The following FER variants were observed in gnomAD, a reference collection of about 807,000 sequenced individuals.
FER encodes FER tyrosine kinase.
A neutral mutation model predicts 111.0 loss-of-function variants in FER; 63 were observed. That is an observed-to-expected ratio of 0.57 (90% confidence interval 0.46 to 0.70). The LOEUF is 0.70. FER is among the 30% of genes least tolerant of loss of function. The pLI, the probability that FER is intolerant of heterozygous loss-of-function variation, is 0.00. For missense variants in FER, 914 were observed against 954.0 expected (o/e 0.96, Z 0.55); for synonymous variants, 327 against 313.9 (o/e 1.04, Z -0.44).
chr5:109,038,636 A>G (rs1770732165), intron 14 of FER, among the ~76,000 whole-genome samples: 1 of 151,880 alleles, frequency 6.6e-6, no homozygotes, highest in Admixed American at 6.6e-5. Flanking sequence ...CTCATATGTT[A>G]TTTCCTCTGG....
chr5:108,755,611 G>A (rs555898562), intron 1 of FER, among the ~76,000 whole-genome samples: 89 of 151,838 alleles, frequency 5.9e-4, no homozygotes, highest in African/African-American at 1.9e-3. Context: ...TCAGCCTCCC[G>A]AGTAGCTGGG....
At chr5:109,126,364 C>G (rs1486282622) in intron 17 of FER, among the ~76,000 whole-genome samples, 2 of 152,170 alleles carry the variant, frequency 1.3e-5, no homozygotes, top group African/African-American at 2.4e-5. Flanking sequence ...GAGCAATACT[C>G]TTTTGCTTTT....
chr5:109,041,941 A>G (rs142664750), intron 14 of FER, among the ~76,000 whole-genome samples: 89 of 152,348 alleles, frequency 5.8e-4, no homozygotes, highest in African/African-American at 2.0e-3. Context: ...ACTTAAGTTT[A>G]GATGGCAAAA....
rs932705657 is a variant in FER, at chr5:108,954,982, G to A, written c.1533+50G>A. 10 of 1,423,678 alleles carry A rather than the reference G, an allele frequency of 7.0e-6. 1 individual carries two copies. In the African/African-American group the frequency reaches 1.1e-4, roughly 16 times the overall value. 88.2% of individuals were successfully genotyped at this position (1,423,678 alleles called of 1,614,324 possible). On this transcript the variant is annotated intron_variant, in intron 12 of 19. Coordinates refer to ENST00000281092, the MANE Select transcript of FER (RefSeq NM_005246.4). ...GTATATTTTGATGTAGTTCATTGCGGTACAATTATATTAAAATAACGAATG... is the reference window on the plus strand; with the variant it reads ...GTATATTTTGATGTAGTTCATTGCGATACAATTATATTAAAATAACGAATG...
At chr5:108,785,076 C>T in intron 2 of FER, 1 of 410,914 alleles carries the variant, frequency 2.4e-6, no homozygotes. Context: ...CGCTTCTTGC[C>T]TAACAGCAGC....
At position 109,191,013 on chromosome 5, in the gene FER, C is replaced by T. The variant is rs1392141555; in HGVS notation, c.*3438C>T. 1 of 152,002 alleles carries T rather than the reference C, an allele frequency of 6.6e-6. No individual in the cohort carries two copies. Among genetic ancestry groups the T allele is most frequent in the Non-Finnish European group, 1.5e-5 (1 of 67,968 alleles). The allele number at this position is 152,002 out of a possible 1,614,324, so 9.4% of individuals were successfully genotyped here. On this transcript the variant is annotated 3_prime_UTR_variant, in exon 20 of 20. Transcript: ENST00000281092. Reference sequence around the variant, plus strand: ...TATATTATATTCAGTTCAGTTTTCCCATATAACTTTTGTGAAGATTGGCTA... The same window carrying T: ...TATATTATATTCAGTTCAGTTTTCCTATATAACTTTTGTGAAGATTGGCTA...
intron 1 of FER, among the ~76,000 whole-genome samples, chr5:108,762,266 A>G (rs996249719): frequency 6.6e-6 from 1 of 152,136 alleles, no homozygotes; most frequent in Admixed American, 6.5e-5. Context: ...TGGCAGCTCC[A>G]TCTTTGTTTT....
intron 8 of FER, among the ~76,000 whole-genome samples, chr5:108,876,879 A>G (rs1765143322): frequency 6.6e-6 from 1 of 152,212 alleles, no homozygotes; most frequent in Non-Finnish European, 1.5e-5. Context: ...TCTCATTAAG[A>G]GACTTGCATT....
chr5:108,862,694 G>A (rs1421675370), intron 5 of FER, among the ~76,000 whole-genome samples: 1 of 152,082 alleles, frequency 6.6e-6, no homozygotes, highest in African/African-American at 2.4e-5. Context: ...TTCTTATTAT[G>A]AACATGTGGA....
chr5:108,995,872 C>T (rs1763916855), intron 13 of FER, among the ~76,000 whole-genome samples: 1 of 152,170 alleles, frequency 6.6e-6, no homozygotes, highest in African/African-American at 2.4e-5. Flanking sequence ...AACTAATTTA[C>T]ACTCCCACCA....
At chr5:108,826,448 T>C (rs1046831293) in intron 3 of FER, among the ~76,000 whole-genome samples, 1 of 152,218 alleles carries the variant, frequency 6.6e-6, no homozygotes, top group Non-Finnish European at 1.5e-5. Flanking sequence ...ACATGGTGCC[T>C]TCCTGTGTTA....
At chr5:108,887,254 G>T (rs1438074069) in intron 9 of FER, among the ~76,000 whole-genome samples, 1 of 151,494 alleles carries the variant, frequency 6.6e-6, no homozygotes, top group Non-Finnish European at 1.5e-5. Context: ...AGTATTTGTT[G>T]TATCAAAATA....
intron 16 of FER, among the ~76,000 whole-genome samples, chr5:109,064,859 C>T (rs1302990547): frequency 6.6e-6 from 1 of 152,100 alleles, no homozygotes; most frequent in Non-Finnish European, 1.5e-5. Flanking sequence ...TTTAAAGGTA[C>T]TGTGAGTTTC....
At chr5:108,939,381 T>C (rs1157616785) in intron 10 of FER, among the ~76,000 whole-genome samples, 1 of 152,116 alleles carries the variant, frequency 6.6e-6, no homozygotes, top group African/African-American at 2.4e-5. Flanking sequence ...CAGGAAAGCC[T>C]ACTATATTAG....
intron 16 of FER, among the ~76,000 whole-genome samples, chr5:109,065,979 C>T (rs911768485): frequency 6.6e-6 from 1 of 152,054 alleles, no homozygotes; most frequent in African/African-American, 2.4e-5. Context: ...TGATAATATC[C>T]GCATTCAAAA....
At chr5:109,128,323 A>G (rs1276084719) in intron 17 of FER, among the ~76,000 whole-genome samples, 2 of 152,106 alleles carry the variant, frequency 1.3e-5, no homozygotes, top group African/African-American at 4.8e-5. Flanking sequence ...TGTAAGTGTA[A>G]TAATGAGTTT....
At chr5:108,774,410 T>C (rs1753261545) in intron 2 of FER, among the ~76,000 whole-genome samples, 1 of 152,332 alleles carries the variant, frequency 6.6e-6, no homozygotes, top group African/African-American at 2.4e-5. Context: ...TTCCTTTGGA[T>C]ATAGACCCAG....
intron 13 of FER, among the ~76,000 whole-genome samples, chr5:109,029,087 G>T (rs1477950093): frequency 1.3e-5 from 2 of 152,100 alleles, no homozygotes; most frequent in Non-Finnish European, 2.9e-5. Context: ...CACCAAAGGT[G>T]GTCAAGAGTA....
intron 17 of FER, among the ~76,000 whole-genome samples, chr5:109,138,615 G>T (rs1753162904): frequency 6.7e-6 from 1 of 149,424 alleles, no homozygotes; most frequent in Admixed American, 6.6e-5. Context: ...TTTGTTTGAA[G>T]AAATGTTATT....
Sources: gnomAD v4.1 joint callset for allele counts (sites outside exome capture counted in the v4.1 genomes callset) on GRCh38, gnomAD v4.1.1 for gene constraint, MANE v1.5 for transcripts, NCBI Gene and HGNC (gene_info 2026-07-23, HGNC 2026-07-21) for gene names.